ECT2L: variants seen among roughly 807,000 people sequenced by gnomAD.
ECT2L encodes the protein epithelial cell-transforming sequence 2 oncogene-like.
ECT2L carries 126 observed loss-of-function variants against 122.8 expected under a neutral mutation model. That is an observed-to-expected ratio of 1.03 (90% CI 0.89 to 1.19). The LOEUF (loss-of-function observed/expected upper bound fraction) is 1.19, where lower values mean the gene tolerates loss of function less well. Among genes scored for constraint, ECT2L ranks in the 50% most tolerant of loss-of-function variants. The probability of loss-of-function intolerance (pLI) is 0.00; values close to 1 mark genes in which losing one functional copy is unlikely to be tolerated. For synonymous variants in ECT2L, 385 were observed against 381.8 expected, an observed-to-expected ratio of 1.01 and a Z score of -0.10; for missense variants, 1,012 against 1,064.1, an observed-to-expected ratio of 0.95 and a Z score of 0.68.
intron 13 of ECT2L, among the ~76,000 whole-genome samples, chr6:138,872,168 A>G (rs1405679039): frequency 6.6e-6 from 1 of 152,140 alleles, no homozygotes; most frequent in Non-Finnish European, 1.5e-5. Context: ...ATGCCTTTCC[A>G]GGGATATCTA....
chr6:138,833,422 G>A (rs1373936730), intron 4 of ECT2L, among the ~76,000 whole-genome samples: 3 of 152,096 alleles, frequency 2.0e-5, no homozygotes, highest in African/African-American at 4.8e-5. Flanking sequence ...CCTAGAAGAC[G>A]AATTGTTGGA....
At chr6:138,834,582 G>A (rs1295704594) in intron 4 of ECT2L, among the ~76,000 whole-genome samples, 2 of 152,024 alleles carry the variant, frequency 1.3e-5, no homozygotes, top group South Asian at 2.1e-4. Flanking sequence ...AAAGGAGGCC[G>A]GAAACATCTC....
intron 4 of ECT2L, among the ~76,000 whole-genome samples, chr6:138,835,212 T>C (rs1015142650): frequency 2.6e-5 from 4 of 152,208 alleles, no homozygotes; most frequent in Non-Finnish European, 5.9e-5. Context: ...GTACAAATAA[T>C]GTCTTTATCC....
At chr6:138,838,642 TGA>T in intron 5 of ECT2L, 128 bp downstream of exon 5, 3 of 875,652 alleles carry the variant, frequency 3.4e-6, no homozygotes, top group Non-Finnish European at 3.2e-6. Flanking sequence ...AACTTACCCT[TGA>T]GAGAAAAAAT....
rs373540636 is a variant in ECT2L, at chr6:138,813,327, C to A, written c.53C>A (p.Ser18Ter). 3.7e-6 allele frequency: 6 copies of A among 1,610,632 alleles called. No individual in the cohort carries two copies. The African/African-American group carries it at 8.0e-5, about 22-fold the overall frequency. ...GCCTGGACACCTTTTAGCAACAAGTCATTAAATAGACAGGTAAGTTACATA... is the reference window on the plus strand; with the variant it reads ...GCCTGGACACCTTTTAGCAACAAGTAATTAAATAGACAGGTAAGTTACATA... ...FSAWTPFSNK[S>*]LNRQLFQERV... The change falls in exon 3 of 22, where the codon TCA becomes TAA. Residue 18 changes from serine to a stop codon, truncating the protein, a stop_gained. Coordinates refer to ENST00000541398, the MANE Select transcript of ECT2L (RefSeq NM_001077706.3). LOFTEE classifies it high-confidence loss of function.
chr6:138,847,404 T>G (rs1777266571), intron 8 of ECT2L, among the ~76,000 whole-genome samples: 1 of 109,356 alleles, frequency 9.1e-6, no homozygotes, highest in South Asian at 3.5e-4. Context: ...GGAGTCTCAC[T>G]CTGTCGCCCA....
At chr6:138,900,547 G>T (rs1779364250) in intron 20 of ECT2L, among the ~76,000 whole-genome samples, 1 of 152,160 alleles carries the variant, frequency 6.6e-6, no homozygotes, top group Admixed American at 6.5e-5. Context: ...GCCCAGCCTT[G>T]TTATCCTTAA....
chr6:138,885,552 A>G lies in ECT2L; in HGVS notation c.2075A>G (p.Asp692Gly), dbSNP rs777890902. 2.5e-6 allele frequency: 4 copies of G among 1,614,204 alleles called. No individual in the cohort carries two copies. The highest frequency in any genetic ancestry group is 1.7e-4 in the Middle Eastern group (1 of 6,060). Residue 692 changes from aspartate to glycine, a missense_variant, in exon 17 of 22, where the codon GAT becomes GGT. Asp to Gly is a moderately conservative substitution (Grantham distance 94). Transcript: ENST00000541398. Reference protein sequence around the residue: ...PAFRTFLKRHDKTIVTKMLSL... With the variant: ...PAFRTFLKRHGKTIVTKMLSL... Reference sequence around the variant, plus strand: ...TTCCGAACTTTCCTGAAGAGGCATGATAAGACCATTGTTACCAAAATGCTG... The same window carrying G: ...TTCCGAACTTTCCTGAAGAGGCATGGTAAGACCATTGTTACCAAAATGCTG...
chr6:138,844,946 G>A (rs1290108658), intron 7 of ECT2L, among the ~76,000 whole-genome samples: 3 of 151,920 alleles, frequency 2.0e-5, no homozygotes, highest in Non-Finnish European at 1.5e-5. Context: ...TCTCAACTCT[G>A]CATTGAAGCT....
At chr6:138,852,270 ACAAAAACAAAC>A (rs1208963428) in intron 9 of ECT2L, among the ~76,000 whole-genome samples, 1 of 152,098 alleles carries the variant, frequency 6.6e-6, no homozygotes, top group Admixed American at 6.5e-5. Flanking sequence ...TTAAAGAAAA[ACAAAAACAAAC>A]CAAAAACCCC....
chr6:138,882,779 G>C lies in ECT2L; in HGVS notation c.1936G>C (p.Val646Leu), dbSNP rs778152384. 1 of 1,614,220 alleles carries C rather than the reference G, an allele frequency of 6.2e-7. No individual in the cohort carries two copies. ...GCAGGAATGGGGCCCAGCTCACTGT[G>C]TGGGAGAAATAGTCACGAAGTTTGG... ...RLQEWGPAHCVGEIVTKFGSQ... is the reference protein window; with the variant it reads ...RLQEWGPAHCLGEIVTKFGSQ... Residue 646 changes from valine to leucine, a missense_variant, in exon 16 of 22, where the codon GTG becomes CTG. Transcript: ENST00000541398.
At chr6:138,894,512 TA>T (rs1779146846) in intron 20 of ECT2L, among the ~76,000 whole-genome samples, 1 of 152,188 alleles carries the variant, frequency 6.6e-6, no homozygotes, top group African/African-American at 2.4e-5. Flanking sequence ...CATTTATATT[TA>T]AATAGGCACT....
chr6:138,869,965 C>T (rs1053317656), intron 13 of ECT2L, among the ~76,000 whole-genome samples: 8 of 152,080 alleles, frequency 5.3e-5, no homozygotes, highest in Admixed American at 3.3e-4. Flanking sequence ...TGTTGAGAAC[C>T]AAGAGTACAT....
At chr6:138,798,217 A>G (rs1775410579) in intron 1 of ECT2L, among the ~76,000 whole-genome samples, 1 of 152,200 alleles carries the variant, frequency 6.6e-6, no homozygotes. Flanking sequence ...ACAATTGATG[A>G]CATCATTGGC....
chr6:138,839,753 GT>G (rs1243844292), intron 5 of ECT2L, among the ~76,000 whole-genome samples: 1 of 151,880 alleles, frequency 6.6e-6, no homozygotes, highest in Non-Finnish European at 1.5e-5. Flanking sequence ...TTTGTTTTAT[GT>G]TTTTTTCCCT....
At chr6:138,806,148 C>T (rs1308139752) in intron 1 of ECT2L, among the ~76,000 whole-genome samples, 1 of 152,220 alleles carries the variant, frequency 6.6e-6, no homozygotes, top group Non-Finnish European at 1.5e-5. Context: ...TCCTCTCAAT[C>T]TGGAGACCTG....
At chr6:138,832,292 A>C (rs1054523853) in intron 4 of ECT2L, among the ~76,000 whole-genome samples, 2 of 151,096 alleles carry the variant, frequency 1.3e-5, no homozygotes, top group Admixed American at 1.3e-4. Context: ...GGATTCTTTC[A>C]TTACCTTCAG....
At chr6:138,814,123 G>A (rs774293037) in intron 3 of ECT2L, among the ~76,000 whole-genome samples, 7 of 152,146 alleles carry the variant, frequency 4.6e-5, no homozygotes, top group Admixed American at 6.5e-5. Flanking sequence ...AGTGTAGCCC[G>A]TATATGTTTT....
At position 138,902,622 on chromosome 6, in the gene ECT2L, A is replaced by G; in HGVS notation, c.2710A>G (p.Lys904Glu). The G allele has an allele frequency of 1.2e-6, 2 of 1,613,632 alleles. No individual in the cohort carries two copies. Among genetic ancestry groups the G allele is most frequent in the Non-Finnish European group, 1.7e-6 (2 of 1,179,802 alleles). ...AAATGCAATCAAAAGCAGTATGGAG[A>G]AGTGAGACCGAACTTGAAAACTTCA... is the stretch of plus-strand genomic sequence containing the variant. ...LRNAIKSSME[K>E] The change falls in exon 22 of 22, where the codon AAG becomes GAG. Residue 904 changes from lysine (K) to glutamate (E), a missense_variant. Physicochemically the swap from Lys to Glu is moderately conservative, Grantham distance 56. Coordinates refer to ENST00000541398, the MANE Select transcript of ECT2L (RefSeq NM_001077706.3).
Sources: gnomAD v4.1 joint callset for allele counts (sites outside exome capture counted in the v4.1 genomes callset) on GRCh38, gnomAD v4.1.1 for gene constraint, MANE v1.5 for transcripts, NCBI Gene and HGNC (gene_info 2026-07-23, HGNC 2026-07-21) for gene names.